Variants in STK3 observed in about 807,000 individuals in gnomAD.
STK3 encodes serine/threonine-protein kinase 3.
A neutral mutation model predicts 58.0 loss-of-function variants in STK3; 41 were observed. The observed-to-expected ratio is 0.71, with a 90% CI of 0.55 to 0.92. The LOEUF (loss-of-function observed/expected upper bound fraction) is 0.92, where lower values mean the gene tolerates loss of function less well. Among genes scored for constraint, STK3 ranks in the 40% least tolerant of loss-of-function variants. The pLI is 0.00. For missense variants in STK3, 479 were observed against 602.7 expected, an observed-to-expected ratio of 0.79 and a Z score of 2.15; for synonymous variants, 170 against 191.0, an observed-to-expected ratio of 0.89 and a Z score of 0.91.
intron 3 of STK3, among the ~76,000 whole-genome samples, chr8:98,411,134 C>T (rs1472721222): frequency 6.6e-6 from 1 of 152,224 alleles, no homozygotes; most frequent in Non-Finnish European, 1.5e-5. Flanking sequence ...GCCTTTTCAG[C>T]TCTTGCATAG....
intron 7 of STK3, among the ~76,000 whole-genome samples, chr8:98,588,891 G>A (rs1199543087): frequency 7.4e-5 from 11 of 149,526 alleles, no homozygotes; most frequent in Admixed American, 3.3e-4. Flanking sequence ...TGATCGCATC[G>A]GCTCCTGAGG....
At chr8:98,697,639 T>C (rs1825099987) in intron 6 of STK3, among the ~76,000 whole-genome samples, 1 of 152,214 alleles carries the variant, frequency 6.6e-6, no homozygotes, top group Non-Finnish European at 1.5e-5. Context: ...CAGGAGCAGG[T>C]TGTTCAGTTT....
chr8:98,555,153 G>C (rs1159664528), intron 8 of STK3, among the ~76,000 whole-genome samples: 2 of 152,060 alleles, frequency 1.3e-5, no homozygotes, highest in Non-Finnish European at 2.9e-5. Flanking sequence ...AACATTATTA[G>C]GAAATCCTAC....
Position 98,428,539 on chromosome 8 carries a change from G to A in STK3, n.483+5588C>T, listed in dbSNP as rs1246511291. On this transcript the variant is annotated intron_variant and non_coding_transcript_variant, in intron 3 of 3. Transcript: ENST00000517832. The surrounding 1 kb of genome is among the most constrained non-coding windows in gnomAD (Gnocchi z 6.7). ...AACCCCGGCTACTCAGTGCTGAGCA[G>A]GGTCTTCAGCATCCTGTCCATCCTG... 2 of 1,614,200 alleles carry A rather than the reference G, an allele frequency of 1.2e-6. No individual in the cohort carries two copies. The highest frequency in any genetic ancestry group is 1.1e-5 in the South Asian group (1 of 91,088).
chr8:98,825,146 C>T (rs1835165583), intron 1 of STK3, among the ~76,000 whole-genome samples: 1 of 152,176 alleles, frequency 6.6e-6, no homozygotes, highest in Admixed American at 6.5e-5. Context: ...TACTTTTGAA[C>T]TTGAGGGGGA....
At chr8:98,680,200 G>T (rs1823530392) in intron 6 of STK3, among the ~76,000 whole-genome samples, 1 of 152,098 alleles carries the variant, frequency 6.6e-6, no homozygotes, top group Non-Finnish European at 1.5e-5. Context: ...AATCAATGCT[G>T]TGCAGACAGA....
chr8:98,404,367 T>C (rs191701967), intron 3 of STK3, among the ~76,000 whole-genome samples: 20 of 152,210 alleles, frequency 1.3e-4, no homozygotes, highest in Non-Finnish European at 2.8e-4. Flanking sequence ...CGAGACTCCA[T>C]GTCTACAAAC....
At chr8:98,528,907 C>T (rs1386014115) in intron 9 of STK3, among the ~76,000 whole-genome samples, 3 of 152,130 alleles carry the variant, frequency 2.0e-5, no homozygotes, top group Non-Finnish European at 2.9e-5. Flanking sequence ...CCTGTCTTGG[C>T]TGTCTATTTT....
chr8:98,529,890 G>A (rs995871597), intron 9 of STK3, among the ~76,000 whole-genome samples: 139 of 152,200 alleles, frequency 9.1e-4, no homozygotes, highest in African/African-American at 3.1e-3. Flanking sequence ...ATGGGGAGTC[G>A]GCGTTTAACA....
chr8:98,564,400 G>T (rs1300632003), intron 8 of STK3, among the ~76,000 whole-genome samples: 1 of 152,056 alleles, frequency 6.6e-6, no homozygotes, highest in East Asian at 1.9e-4. Context: ...TGTGAAATTA[G>T]CCAAGCACAG....
intron 6 of STK3, among the ~76,000 whole-genome samples, chr8:98,688,247 C>T (rs746102248): frequency 3.3e-5 from 5 of 152,176 alleles, no homozygotes; most frequent in Admixed American, 6.5e-5. Flanking sequence ...ACACACTCAA[C>T]ACTGGAGCAC....
At chr8:98,637,147 A>G (rs1430051407) in intron 6 of STK3, among the ~76,000 whole-genome samples, 1 of 152,040 alleles carries the variant, frequency 6.6e-6, no homozygotes, top group Non-Finnish European at 1.5e-5. Context: ...AAAATGCCTA[A>G]AAGTCCAAAT....
chr8:98,446,667 A>C (rs1818961195), intron 1 of STK3, among the ~76,000 whole-genome samples: 1 of 152,188 alleles, frequency 6.6e-6, no homozygotes, highest in East Asian at 1.9e-4. Context: ...GTGAGAGTGT[A>C]AATTAGTTCA....
intron 6 of STK3, among the ~76,000 whole-genome samples, chr8:98,618,083 A>C (rs11785169): frequency 0.059 from 8,879 of 151,694 alleles, 415 homozygotes; most frequent in Middle Eastern, 0.13. Flanking sequence ...TGGCAAACCG[A>C]ATCCAGCAGC....
chr8:98,389,709 A>T (rs1029236922), upstream of STK3, among the ~76,000 whole-genome samples: 1 of 150,406 alleles, frequency 6.6e-6, no homozygotes, highest in Non-Finnish European at 1.5e-5. Context: ...GTTCCAATTC[A>T]AGAGTCCTAG....
intron 3 of STK3, among the ~76,000 whole-genome samples, chr8:98,861,742 T>C (rs1189616762): frequency 1.3e-5 from 2 of 152,168 alleles, no homozygotes; most frequent in African/African-American, 4.8e-5. Context: ...AGTCCCTCCA[T>C]CTTTATAACA....
chr8:98,820,834 C>T (rs1395579285), intron 1 of STK3, among the ~76,000 whole-genome samples: 2 of 152,020 alleles, frequency 1.3e-5, no homozygotes, highest in Non-Finnish European at 2.9e-5. Context: ...AAAAGTTAAC[C>T]TGGTGTGGTG....
rs372317388 is a variant in STK3 at position 98,667,483 on chromosome 8, C to G, written c.684+38984G>C. Among the ~76,000 whole-genome samples the G allele has an allele frequency of 1.9e-3, 293 of 152,124 alleles. 1 individual carries two copies. Among genetic ancestry groups the G allele is most frequent in the African/African-American group, 6.8e-3 (284 of 41,522 alleles). ...CTATAAATTTGACAATATTTTATAA[C>G]AAGAAAAGGATTATAAATTGTCTGT... is the stretch of plus-strand genomic sequence containing the variant. On this transcript the variant is annotated intron_variant, in intron 6 of 10. Transcript: ENST00000419617.
At chr8:98,584,838 T>C (rs1814339435) in intron 7 of STK3, among the ~76,000 whole-genome samples, 1 of 150,626 alleles carries the variant, frequency 6.6e-6, no homozygotes. Flanking sequence ...TTTGCATTTC[T>C]CTGATGGCCA....
Sources: allele counts gnomAD v4.1 joint callset (sites outside exome capture counted in the v4.1 genomes callset), GRCh38; gene constraint gnomAD v4.1.1; non-coding constraint Gnocchi (gnomAD v3.1); transcripts MANE v1.5; gene names NCBI Gene and HGNC (gene_info 2026-07-23, HGNC 2026-07-21).